AFG2A: variants seen among roughly 807,000 people sequenced by gnomAD.
AFG2A encodes the protein AAA ATPase AFG2A.
chr4:123,003,305 C>T, the AFG2A span, among the ~76,000 whole-genome samples: 10 of 152,304 alleles, frequency 6.6e-5, no homozygotes, highest in South Asian at 2.1e-4. Context: ...TCTCTCAACT[C>T]GTCAAAGTCA....
At chr4:123,307,880 A>G in the AFG2A span, among the ~76,000 whole-genome samples, 10 of 152,320 alleles carry the variant, frequency 6.6e-5, no homozygotes, top group East Asian at 1.9e-3. Context: ...TGTAGGAGCA[A>G]TAGAATAGAC....
the AFG2A span, among the ~76,000 whole-genome samples, chr4:123,252,145 C>A: frequency 6.6e-6 from 1 of 152,014 alleles, no homozygotes; most frequent in Non-Finnish European, 1.5e-5. Flanking sequence ...CCTATACAAA[C>A]CTTTTATTTT....
At chr4:122,939,402 T>C in the AFG2A span, among the ~76,000 whole-genome samples, 3 of 152,160 alleles carry the variant, frequency 2.0e-5, no homozygotes, top group Non-Finnish European at 4.4e-5. Flanking sequence ...CTTTTATTAA[T>C]AAAAACTATA....
the AFG2A span, among the ~76,000 whole-genome samples, chr4:123,297,812 C>T: frequency 1.3e-5 from 2 of 152,248 alleles, no homozygotes; most frequent in Admixed American, 6.5e-5. Context: ...GCATGCACCA[C>T]TGAGCAGGAA....
chr4:122,947,497 G>T, the AFG2A span: 1 of 1,596,544 alleles, frequency 6.3e-7, no homozygotes, highest in South Asian at 1.1e-5. Flanking sequence ...AGGTGAGTGT[G>T]GTTTGCTATG....
chr4:123,225,064 T>C, the AFG2A span, among the ~76,000 whole-genome samples: 1 of 152,230 alleles, frequency 6.6e-6, no homozygotes, highest in Admixed American at 6.5e-5. Context: ...AGTTGTTTGT[T>C]TTTTTCTTGT....
At chr4:123,047,278 A>G in the AFG2A span, among the ~76,000 whole-genome samples, 1 of 152,070 alleles carries the variant, frequency 6.6e-6, no homozygotes. Context: ...TGTCTTTTTG[A>G]TAATAACCAT....
the AFG2A span, among the ~76,000 whole-genome samples, chr4:123,293,671 G>A: frequency 2.0e-5 from 3 of 152,182 alleles, no homozygotes; most frequent in African/African-American, 7.2e-5. Flanking sequence ...CAGGCCTAGG[G>A]CAAGAGGGAA....
the AFG2A span, among the ~76,000 whole-genome samples, chr4:123,092,811 C>T: frequency 6.6e-6 from 1 of 152,102 alleles, no homozygotes; most frequent in Non-Finnish European, 1.5e-5. Flanking sequence ...GGAGCCACTC[C>T]CAGCTCCTAG....
chr4:123,296,952 C>T, the AFG2A span, among the ~76,000 whole-genome samples: 2 of 152,288 alleles, frequency 1.3e-5, no homozygotes, highest in South Asian at 4.1e-4. Flanking sequence ...GTTCTCTAGG[C>T]TTGAAATGCT....
chr4:123,240,143 A>T, the AFG2A span, among the ~76,000 whole-genome samples: 50 of 152,288 alleles, frequency 3.3e-4, no homozygotes, highest in African/African-American at 1.1e-3. Context: ...CTAAATATAT[A>T]TGCACCCAAT....
chr4:123,064,715 T>C, the AFG2A span, among the ~76,000 whole-genome samples: 1 of 152,220 alleles, frequency 6.6e-6, no homozygotes, highest in African/African-American at 2.4e-5. Flanking sequence ...GGACATTTCA[T>C]AGGATCCTAA....
At chr4:123,022,669 G>A in the AFG2A span, among the ~76,000 whole-genome samples, 6 of 150,132 alleles carry the variant, frequency 4.0e-5, no homozygotes, top group Non-Finnish European at 7.4e-5. Context: ...ATTTGACCCA[G>A]CCATCCCATT....
At chr4:123,232,311 G>C in the AFG2A span, among the ~76,000 whole-genome samples, 2 of 152,004 alleles carry the variant, frequency 1.3e-5, no homozygotes, top group Admixed American at 1.3e-4. Context: ...TTAGCCAGAG[G>C]GGGAGGAGCC....
the AFG2A span, among the ~76,000 whole-genome samples, chr4:122,996,825 G>C: frequency 2.0e-5 from 3 of 152,088 alleles, no homozygotes; most frequent in Admixed American, 6.6e-5. Context: ...GGGGCTGCTG[G>C]TATAAGTCCC....
the AFG2A span, among the ~76,000 whole-genome samples, chr4:123,157,635 T>C: frequency 1.3e-5 from 2 of 152,180 alleles, no homozygotes; most frequent in Admixed American, 1.3e-4. Context: ...TCAGACGAGA[T>C]TGAGCGTGTT....
At chr4:123,079,745 C>CTTTTTTT in the AFG2A span, among the ~76,000 whole-genome samples, 164 of 72,524 alleles carry the variant, frequency 2.3e-3, no homozygotes, top group East Asian at 2.9e-3. Context: ...TCTTTTCCTT[C>CTTTTTTT]TTTTTTTTTT....
At chr4:123,021,173 A>G in the AFG2A span, among the ~76,000 whole-genome samples, 1 of 151,658 alleles carries the variant, frequency 6.6e-6, no homozygotes, top group South Asian at 2.1e-4. Context: ...TATATTCCAT[A>G]CTTGTAACGG....
chr4:123,070,356 T>C, the AFG2A span, among the ~76,000 whole-genome samples: 10 of 152,160 alleles, frequency 6.6e-5, no homozygotes, highest in African/African-American at 2.2e-4. Context: ...CTTTATATGT[T>C]TTATTTAATT....
Sources: allele counts gnomAD v4.1 joint callset (sites outside exome capture counted in the v4.1 genomes callset), GRCh38; gene constraint gnomAD v4.1.1; transcripts MANE v1.5; gene names NCBI Gene and HGNC (gene_info 2026-07-23, HGNC 2026-07-21).